The following CCDC158 variants were observed in gnomAD, a reference collection of about 807,000 sequenced individuals.
CCDC158 encodes the protein coiled-coil domain-containing protein 158.
CCDC158 carries 116 observed loss-of-function variants against 138.6 expected under a neutral mutation model. The ratio of observed to expected loss-of-function variants is 0.84; its 90% CI spans 0.72 to 0.98. CCDC158 has a LOEUF of 0.98. CCDC158 is among the 50% of genes least tolerant of loss of function. The pLI, the probability that CCDC158 is intolerant of heterozygous loss-of-function variation, is 0.00. For synonymous variants in CCDC158, 436 were observed against 442.4 expected (o/e 0.99, Z 0.18); for missense variants, 1,265 against 1,306.1 (o/e 0.97, Z 0.48).
chr4:76,413,304 T>C (rs1729437945), intron 1 of CCDC158, among the ~76,000 whole-genome samples: 1 of 151,328 alleles, frequency 6.6e-6, no homozygotes, highest in South Asian at 2.1e-4. Context: ...TGAGATCCCG[T>C]CTCTACAAAA....
intron 22 of CCDC158, among the ~76,000 whole-genome samples, chr4:76,328,257 T>G (rs1452588068): frequency 1.3e-5 from 2 of 152,204 alleles, no homozygotes; most frequent in East Asian, 3.9e-4. Context: ...CAATAAATAT[T>G]TATTCAGCAC....
chr4:76,397,862 C>T (rs1052731149), intron 3 of CCDC158, among the ~76,000 whole-genome samples: 4 of 152,182 alleles, frequency 2.6e-5, no homozygotes, highest in African/African-American at 7.2e-5. Flanking sequence ...ATATGATTCC[C>T]TCCTAAAAGG....
At chr4:76,345,125 C>T in intron 18 of CCDC158, 1 of 1,118,974 alleles carries the variant, frequency 8.9e-7, no homozygotes, top group Non-Finnish European at 1.4e-6. Context: ...CTGCAGCCTG[C>T]TTACATTGCC....
At chr4:76,396,520 G>GT (rs776557401) in intron 3 of CCDC158, 34 bp from the exon 4 acceptor site, 146 of 1,526,482 alleles carry the variant, frequency 9.6e-5, no homozygotes, top group South Asian at 1.1e-4. Flanking sequence ...TTAACTTTTC[G>GT]TTTTTTTTGA....
intron 24 of CCDC158, among the ~76,000 whole-genome samples, chr4:76,315,507 C>T (rs78117068): frequency 1.7e-4 from 26 of 152,250 alleles, no homozygotes; most frequent in Non-Finnish European, 2.5e-4. Context: ...CAACCAACTC[C>T]GAACATTACA....
chr4:76,353,074 T>G, intron 16 of CCDC158, 49 bp downstream of exon 16: 1 of 1,467,098 alleles, frequency 6.8e-7, no homozygotes, highest in Non-Finnish European at 9.4e-7. Flanking sequence ...TCTATTTGGT[T>G]AATAACTATT....
chr4:76,367,986 C>A (rs1194683731), intron 11 of CCDC158, among the ~76,000 whole-genome samples: 1 of 151,496 alleles, frequency 6.6e-6, no homozygotes, highest in East Asian at 1.9e-4. Context: ...CTGCTTCGGC[C>A]TCCCAAAGTG....
chr4:76,411,840 C>A (rs1366151167), intron 2 of CCDC158, among the ~76,000 whole-genome samples: 1 of 152,204 alleles, frequency 6.6e-6, no homozygotes, highest in South Asian at 2.1e-4. Flanking sequence ...ACACCCTCCT[C>A]TCTGCCCCAG....
intron 18 of CCDC158, among the ~76,000 whole-genome samples, chr4:76,338,372 T>A (rs151291745): frequency 1.3e-5 from 2 of 152,220 alleles, no homozygotes; most frequent in African/African-American, 4.8e-5. Context: ...TAGCTGGGCA[T>A]GGTAGCGTGT....
At chr4:76,381,108 T>C (rs535034378) in intron 8 of CCDC158, among the ~76,000 whole-genome samples, 1 of 152,318 alleles carries the variant, frequency 6.6e-6, no homozygotes, top group East Asian at 1.9e-4. Flanking sequence ...ATGGGGAACC[T>C]CTACTAGGGT....
chr4:76,326,299 G>A (rs889551295), intron 22 of CCDC158, among the ~76,000 whole-genome samples: 3 of 152,142 alleles, frequency 2.0e-5, no homozygotes, highest in African/African-American at 7.2e-5. Context: ...TCTACCAAAT[G>A]CAAGCATGAA....
In CCDC158 at chr4:76,357,409, T is replaced by C; in HGVS notation, c.2138A>G (p.Asn713Ser). The change falls in exon 14 of 25, where the codon AAT (asparagine) becomes AGT (serine). Residue 713 changes from asparagine to serine, a missense_variant. By Grantham distance (46) the Asn-to-Ser change is conservative. Coordinates refer to ENST00000682701, the MANE Select transcript of CCDC158 (RefSeq NM_001394954.1). ...SAQSELEQTR[N>S]TLKSMEGSDG... ...AGATCCTTCCATTGACTTTAATGTA[T>C]TTCTTGTCTGTTCTAGTTCAGACTG... The C allele has an allele frequency of 1.9e-6, 3 of 1,594,870 alleles. No individual in the cohort carries two copies. In the Middle Eastern group the frequency reaches 5.0e-4, roughly 266 times the overall value.
chr4:76,371,561 A>C, intron 9 of CCDC158, 25 bp from the exon 10 acceptor site: 1 of 1,613,172 alleles, frequency 6.2e-7, no homozygotes, highest in Non-Finnish European at 8.5e-7. Flanking sequence ...CAAATTGAAC[A>C]GTGTCTGATT....
intron 1 of CCDC158, among the ~76,000 whole-genome samples, chr4:76,420,123 G>A (rs1216460888): frequency 2.0e-5 from 3 of 151,812 alleles, no homozygotes; most frequent in African/African-American, 7.3e-5. Context: ...AGCAATGAGC[G>A]CAGTACAGAG....
chr4:76,314,408 G>C (rs1719176527), intron 24 of CCDC158, among the ~76,000 whole-genome samples: 1 of 152,214 alleles, frequency 6.6e-6, no homozygotes, highest in South Asian at 2.1e-4. Context: ...CAACTTGGAT[G>C]GACAGAGCAA....
chr4:76,349,427 G>C (rs1373537935), intron 18 of CCDC158, among the ~76,000 whole-genome samples: 1 of 152,208 alleles, frequency 6.6e-6, no homozygotes, highest in African/African-American at 2.4e-5. Flanking sequence ...TCAGCACTTT[G>C]GGAGGCCAAG....
At chr4:76,377,913 C>G (rs889286018) in intron 9 of CCDC158, among the ~76,000 whole-genome samples, 3 of 152,136 alleles carry the variant, frequency 2.0e-5, no homozygotes, top group Non-Finnish European at 4.4e-5. Flanking sequence ...CTGAAGAGAA[C>G]AGAAAATAGC....
rs1017448547 is a variant in CCDC158 at position 76,329,098 on chromosome 4, C to A, written c.2943-131G>T. On this transcript the variant is annotated intron_variant, in intron 21 of 24. Transcript: ENST00000682701. ...TAACCTCAAGATGGCAATCATAACC[C>A]TAAAGTCCTAAAATACTCTAAGAGG... 10 of 681,116 alleles carry A rather than the reference C, an allele frequency of 1.5e-5. No individual in the cohort carries two copies. The Admixed American group carries it at 1.6e-4, about 11-fold the overall frequency. 42.2% of individuals were successfully genotyped at this position (681,116 alleles called of 1,614,324 possible). A position where few individuals can be genotyped will look rare whatever the true frequency, so the allele number is the denominator to read the frequency against.
intron 1 of CCDC158, among the ~76,000 whole-genome samples, chr4:76,414,996 T>C (rs1729578792): frequency 6.6e-6 from 1 of 152,160 alleles, no homozygotes; most frequent in African/African-American, 2.4e-5. Context: ...AGGGCTCAGA[T>C]GAAGACAGGA....
Sources: gnomAD v4.1 joint callset for allele counts (sites outside exome capture counted in the v4.1 genomes callset) on GRCh38, gnomAD v4.1.1 for gene constraint, MANE v1.5 for transcripts, NCBI Gene and HGNC (gene_info 2026-07-23, HGNC 2026-07-21) for gene names.